Variants in CCDC178 observed in about 807,000 individuals in gnomAD.
CCDC178 encodes the protein coiled-coil domain-containing protein 178.
Under a neutral mutation model 117.4 loss-of-function variants are expected in CCDC178, and 126 were observed. The ratio of observed to expected loss-of-function variants is 1.07; its 90% CI spans 0.93 to 1.24. The LOEUF is 1.24. Ranked by LOEUF, CCDC178 falls within the 50% of genes most tolerant of loss-of-function variation. The probability of loss-of-function intolerance (pLI) is 0.00; values close to 1 mark genes in which losing one functional copy is unlikely to be tolerated. For missense variants in CCDC178, 1,030 were observed against 986.9 expected (o/e 1.04, Z -0.59); for synonymous variants, 283 against 313.4 (o/e 0.90, Z 1.02).
intron 14 of CCDC178, among the ~76,000 whole-genome samples, chr18:33,246,904 T>C (rs1246813358): frequency 1.5e-4 from 23 of 151,878 alleles, no homozygotes; most frequent in Admixed American, 1.5e-3. Context: ...CTTTGTATGA[T>C]CACTGGGAAT....
chr18:33,216,308 T>C (rs973181127), intron 18 of CCDC178, among the ~76,000 whole-genome samples: 2 of 152,046 alleles, frequency 1.3e-5, no homozygotes, highest in African/African-American at 4.8e-5. Flanking sequence ...GACAAGGATA[T>C]ATATATTGTT....
intron 11 of CCDC178, among the ~76,000 whole-genome samples, chr18:33,320,374 T>A (rs1439912058): frequency 1.3e-5 from 2 of 152,206 alleles, no homozygotes; most frequent in Non-Finnish European, 2.9e-5. Context: ...CTCCTTAAGC[T>A]GATAAGCAAC....
intron 20 of CCDC178, among the ~76,000 whole-genome samples, chr18:33,149,686 A>G (rs576174747): frequency 8.5e-5 from 13 of 152,312 alleles, no homozygotes; most frequent in African/African-American, 3.1e-4. Context: ...TTAATATTCC[A>G]TTATACAATC....
At chr18:32,977,072 T>C (rs2055043517) in intron 21 of CCDC178, among the ~76,000 whole-genome samples, 1 of 152,166 alleles carries the variant, frequency 6.6e-6, no homozygotes, top group Non-Finnish European at 1.5e-5. Context: ...TTCTTGTCAA[T>C]GTGACTTATT....
intron 9 of CCDC178, among the ~76,000 whole-genome samples, chr18:33,333,739 C>T (rs990337603): frequency 2.6e-5 from 4 of 151,680 alleles, no homozygotes; most frequent in Non-Finnish European, 2.9e-5. Flanking sequence ...CTCAAACTCG[C>T]GACCTCAGGT....
At chr18:33,375,586 T>C (rs574268817) in intron 5 of CCDC178, among the ~76,000 whole-genome samples, 2 of 152,016 alleles carry the variant, frequency 1.3e-5, no homozygotes, top group Non-Finnish European at 2.9e-5. Context: ...AACAAGGAAA[T>C]ACATTCACAA....
At chr18:32,970,362 A>C (rs772371416) in intron 22 of CCDC178, among the ~76,000 whole-genome samples, 2 of 151,934 alleles carry the variant, frequency 1.3e-5, no homozygotes, top group Non-Finnish European at 2.9e-5. Flanking sequence ...GCTTTTCCTC[A>C]ATATTGGTTA....
At chr18:33,301,251 C>A (rs545623018) in intron 11 of CCDC178, among the ~76,000 whole-genome samples, 1 of 152,134 alleles carries the variant, frequency 6.6e-6, no homozygotes, top group Non-Finnish European at 1.5e-5. Context: ...AGAATGCAAG[C>A]GTGAAGGAAG....
chr18:33,099,291 A>G (rs2057588767), intron 20 of CCDC178, among the ~76,000 whole-genome samples: 1 of 152,052 alleles, frequency 6.6e-6, no homozygotes, highest in African/African-American at 2.4e-5. Flanking sequence ...GATCCTGTGC[A>G]CATGCCCACG....
At chr18:33,367,607 A>G (rs929459537) in intron 6 of CCDC178, among the ~76,000 whole-genome samples, 3 of 151,934 alleles carry the variant, frequency 2.0e-5, no homozygotes, top group African/African-American at 7.2e-5. Flanking sequence ...GTTAGTCAGA[A>G]AAAATTTTTT....
At chr18:33,149,999 G>C (rs1376931984) in intron 20 of CCDC178, among the ~76,000 whole-genome samples, 2 of 152,058 alleles carry the variant, frequency 1.3e-5, no homozygotes, top group African/African-American at 4.8e-5. Context: ...TATACTACAG[G>C]GCTATAGTAC....
At chr18:33,222,173 C>T (rs2059242596) in intron 18 of CCDC178, among the ~76,000 whole-genome samples, 2 of 151,908 alleles carry the variant, frequency 1.3e-5, no homozygotes, top group Non-Finnish European at 2.9e-5. Flanking sequence ...AAAGTGTAAT[C>T]ATGCTATTTT....
chr18:33,191,199 C>T (rs940012305), intron 20 of CCDC178, among the ~76,000 whole-genome samples: 4 of 152,078 alleles, frequency 2.6e-5, no homozygotes, highest in Non-Finnish European at 5.9e-5. Flanking sequence ...TAGTGGTACT[C>T]TACACACATA....
At chr18:32,972,990 G>C (rs946185981) in intron 22 of CCDC178, among the ~76,000 whole-genome samples, 1 of 152,048 alleles carries the variant, frequency 6.6e-6, no homozygotes, top group African/African-American at 2.4e-5. Context: ...CCTTGCTGCT[G>C]TGTCTCTAGG....
intron 22 of CCDC178, among the ~76,000 whole-genome samples, chr18:32,951,713 C>G (rs1258682019): frequency 1.3e-5 from 2 of 152,208 alleles, no homozygotes; most frequent in Non-Finnish European, 2.9e-5. Context: ...CCCCCAAAGT[C>G]TTAACTCATT....
At position 33,172,371 on chromosome 18, in the gene CCDC178, ATATT is replaced by A. The variant is rs1169830841; in HGVS notation, c.2238+39521_2238+39524del. ...GATAGCCTTAAAATACAATCATTAT[ATATT>A]TAGAGTTAAATAAATATACGTAAAA... On this transcript the variant is annotated intron_variant, in intron 20 of 22. Transcript: ENST00000383096. Among the ~76,000 whole-genome samples the A allele has an allele frequency of 3.3e-5, 5 of 152,302 alleles. No homozygotes were observed. In the East Asian group the frequency reaches 9.6e-4, roughly 29 times the overall value.
intron 20 of CCDC178, among the ~76,000 whole-genome samples, chr18:33,130,085 G>A (rs1019959221): frequency 4.0e-5 from 6 of 151,844 alleles, no homozygotes; most frequent in Admixed American, 3.3e-4. Context: ...TGATAGCATA[G>A]CTAAATTTCA....
rs570858749 is a variant in CCDC178 at position 33,205,189 on chromosome 18, A to G, written c.2238+6707T>C. Among the ~76,000 whole-genome samples the G allele has an allele frequency of 5.3e-5, 8 of 152,256 alleles. No individual in the cohort carries two copies. The South Asian group carries it at 6.2e-4, about 12-fold the overall frequency. On this transcript the variant is annotated intron_variant, in intron 20 of 22. Transcript: ENST00000383096. The stretch of plus-strand genomic sequence containing the variant: ...AATGACAAAAGCAGAAAGCTATCAC[A>G]GAAACTATTAAAATGACAGAAGCAA...
At chr18:33,346,877 T>C (rs2062901802) in intron 8 of CCDC178, among the ~76,000 whole-genome samples, 1 of 152,190 alleles carries the variant, frequency 6.6e-6, no homozygotes, top group Non-Finnish European at 1.5e-5. Flanking sequence ...TACTTAGCTT[T>C]GCCAGGAATT....
Sources: gnomAD v4.1 joint callset for allele counts (sites outside exome capture counted in the v4.1 genomes callset) on GRCh38, gnomAD v4.1.1 for gene constraint, MANE v1.5 for transcripts, NCBI Gene and HGNC (gene_info 2026-07-23, HGNC 2026-07-21) for gene names.